LARGE1: variants seen among roughly 807,000 people sequenced by gnomAD.
The protein encoded by LARGE1 is LARGE xylosyl- and glucuronyltransferase 1, also known as xylosyl- and glucuronyltransferase LARGE1.
Under a neutral mutation model 87.6 loss-of-function variants are expected in LARGE1, and 43 were observed. The ratio of observed to expected loss-of-function variants is 0.49; its 90% CI spans 0.38 to 0.63. The LOEUF (loss-of-function observed/expected upper bound fraction) is 0.63, where lower values mean the gene tolerates loss of function less well. Among genes scored for constraint, LARGE1 ranks in the 30% least tolerant of loss-of-function variants. The pLI, the probability that LARGE1 is intolerant of heterozygous loss-of-function variation, is 0.00. For missense variants in LARGE1, 802 were observed against 1,000.2 expected, an observed-to-expected ratio of 0.80 and a Z score of 2.67; for synonymous variants, 434 against 394.6, an observed-to-expected ratio of 1.10 and a Z score of -1.18.
intron 9 of LARGE1, among the ~76,000 whole-genome samples, chr22:33,357,990 T>C (rs1373594064): frequency 6.6e-6 from 1 of 151,748 alleles, no homozygotes; most frequent in Non-Finnish European, 1.5e-5. Flanking sequence ...AAGAACTCAG[T>C]GACAGCCTGG....
intron 6 of LARGE1, among the ~76,000 whole-genome samples, chr22:33,448,519 C>T: frequency 6.6e-6 from 1 of 152,230 alleles, no homozygotes; most frequent in East Asian, 1.9e-4. Flanking sequence ...CTCCAGGACA[C>T]AGTCTTCAGA....
At chr22:33,094,781 C>T in the LARGE1 span, among the ~76,000 whole-genome samples, 4 of 152,206 alleles carry the variant, frequency 2.6e-5, 1 homozygote, top group South Asian at 6.2e-4. Flanking sequence ...CGCAATGGCG[C>T]GATGTTGGCT....
At chr22:33,107,554 C>A in the LARGE1 span, among the ~76,000 whole-genome samples, 6 of 148,772 alleles carry the variant, frequency 4.0e-5, no homozygotes, top group East Asian at 8.1e-4. Context: ...GACTTTGTCT[C>A]AAAAAAAATC....
At chr22:33,133,148 G>A in the LARGE1 span, among the ~76,000 whole-genome samples, 2 of 152,278 alleles carry the variant, frequency 1.3e-5, no homozygotes, top group Admixed American at 6.5e-5. Flanking sequence ...GGGTCCTGTA[G>A]GAAGAAGAAA....
chr22:33,907,834 T>G (rs1397065700), intron 1 of LARGE1, among the ~76,000 whole-genome samples: 1 of 152,120 alleles, frequency 6.6e-6, no homozygotes, highest in Non-Finnish European at 1.5e-5. Context: ...CCTGACCTCG[T>G]GATCCACCCG....
Position 33,212,621 on chromosome 22 carries a change from T to C in LARGE1, c.1731-45789A>G, listed in dbSNP as rs1405351509. ...CAAGTCTTCTTAAATAAGAAATACATTTCATAAGGCTATAGCTGCCATAGA... is the reference window on the plus strand; with the variant it reads ...CAAGTCTTCTTAAATAAGAAATACACTTCATAAGGCTATAGCTGCCATAGA... On this transcript the variant is annotated intron_variant, in intron 11 of 11. Transcript: ENST00000608642. Among the ~76,000 whole-genome samples, 24 of 152,158 alleles carry C rather than the reference T, an allele frequency of 1.6e-4. 1 individual carries two copies. Among genetic ancestry groups the C allele is most frequent in the Admixed American group, 1.6e-3 (24 of 15,280 alleles).
intron 10 of LARGE1, among the ~76,000 whole-genome samples, chr22:33,323,228 G>C (rs533372027): frequency 6.6e-6 from 1 of 152,322 alleles, no homozygotes; most frequent in African/African-American, 2.4e-5. Context: ...CAGGACTCTG[G>C]GGCAACCAGA....
At chr22:33,341,575 T>C in intron 9 of LARGE1, among the ~76,000 whole-genome samples, 1 of 151,478 alleles carries the variant, frequency 6.6e-6, no homozygotes, top group East Asian at 1.9e-4. Flanking sequence ...AGAAGACCAG[T>C]TTTCTCTCTC....
At chr22:33,230,518 A>C (rs943975109) in intron 11 of LARGE1, among the ~76,000 whole-genome samples, 1 of 152,242 alleles carries the variant, frequency 6.6e-6, no homozygotes, top group Admixed American at 6.5e-5. Context: ...ATTTGCATAA[A>C]GAAAACAAAC....
intron 3 of LARGE1, among the ~76,000 whole-genome samples, chr22:33,650,043 T>C (rs530660367): frequency 6.6e-6 from 1 of 152,174 alleles, no homozygotes; most frequent in Non-Finnish European, 1.5e-5. Flanking sequence ...GCCTACAGGA[T>C]GACAGCTAGG....
At chr22:33,855,934 A>C (rs552094147) in intron 1 of LARGE1, among the ~76,000 whole-genome samples, 4 of 152,322 alleles carry the variant, frequency 2.6e-5, no homozygotes, top group African/African-American at 9.6e-5. Context: ...GAAGCTTAAA[A>C]GGTTAAGAGA....
At chr22:33,821,942 ACTTTTTTAGG>A (rs1480921187) in intron 1 of LARGE1, among the ~76,000 whole-genome samples, 1 of 137,856 alleles carries the variant, frequency 7.3e-6, no homozygotes, top group East Asian at 2.1e-4. Flanking sequence ...CGTTTAAGTG[ACTTTTTTAGG>A]TTTTTTTTTT....
intron 1 of LARGE1, among the ~76,000 whole-genome samples, chr22:33,821,275 T>C (rs1277790356): frequency 6.6e-6 from 1 of 152,028 alleles, no homozygotes; most frequent in Non-Finnish European, 1.5e-5. Flanking sequence ...TCTTCATCGT[T>C]ACGAAGTTAG....
At chr22:33,339,163 A>T (rs1294583763) in intron 9 of LARGE1, among the ~76,000 whole-genome samples, 7 of 151,500 alleles carry the variant, frequency 4.6e-5, no homozygotes, top group South Asian at 2.1e-4. Flanking sequence ...ATAAAAAAAA[A>T]AAAAAAAAAA....
At chr22:33,432,337 C>A in intron 6 of LARGE1, 72 bp from the exon 7 acceptor site, 1 of 1,145,820 alleles carries the variant, frequency 8.7e-7, no homozygotes, top group Non-Finnish European at 1.3e-6. Context: ...CTATTGAAGA[C>A]ACAGGGTAAT....
chr22:33,241,556 GTA>G (rs1272524920), intron 11 of LARGE1, among the ~76,000 whole-genome samples: 1 of 151,208 alleles, frequency 6.6e-6, no homozygotes, highest in Non-Finnish European at 1.5e-5. Flanking sequence ...ATATGTATAT[GTA>G]TATATGTGTA....
At chr22:33,870,307 C>T (rs2064236668) in intron 1 of LARGE1, among the ~76,000 whole-genome samples, 1 of 152,200 alleles carries the variant, frequency 6.6e-6, no homozygotes, top group Non-Finnish European at 1.5e-5. Flanking sequence ...AATCAAGAGA[C>T]ATTATTGTCT....
intron 1 of LARGE1, among the ~76,000 whole-genome samples, chr22:33,829,006 CTTTTTTTTT>C (rs776583343): frequency 3.2e-5 from 3 of 94,800 alleles, no homozygotes; most frequent in African/African-American, 7.5e-5. Context: ...GTCTCTTTTT[CTTTTTTTTT>C]TTTTTTTTTT....
At chr22:33,837,207 T>C (rs2063133520) in intron 1 of LARGE1, among the ~76,000 whole-genome samples, 1 of 151,782 alleles carries the variant, frequency 6.6e-6, no homozygotes, top group Non-Finnish European at 1.5e-5. Flanking sequence ...GAAATTTAAT[T>C]TTCACATGCC....
Sources: gnomAD v4.1 joint callset for allele counts (sites outside exome capture counted in the v4.1 genomes callset) on GRCh38, gnomAD v4.1.1 for gene constraint, MANE v1.5 for transcripts, NCBI Gene and HGNC (gene_info 2026-07-23, HGNC 2026-07-21) for gene names.